The following PTPRD variants were observed in gnomAD, a reference collection of about 807,000 sequenced individuals.
The protein encoded by PTPRD is receptor-type tyrosine-protein phosphatase delta.
Under a neutral mutation model 214.5 loss-of-function variants are expected in PTPRD, and 34 were observed. The ratio of observed to expected loss-of-function variants is 0.16; its 90% confidence interval spans 0.12 to 0.21. The LOEUF is 0.21. PTPRD is among the 10% of genes least tolerant of loss of function. The pLI, the probability that PTPRD is intolerant of heterozygous loss-of-function variation, is 1.00. For missense variants in PTPRD, 2,545 were observed against 2,398.7 expected (o/e 1.06, Z -1.27); for synonymous variants, 1,128 against 845.7 (o/e 1.33, Z -5.79).
intron 10 of PTPRD, among the ~76,000 whole-genome samples, chr9:9,181,928 T>A (rs985787062): frequency 2.6e-5 from 4 of 152,038 alleles, no homozygotes; most frequent in Admixed American, 2.6e-4. Context: ...GAAGATAATG[T>A]GCTTGGAAAA....
intron 3 of PTPRD, among the ~76,000 whole-genome samples, chr9:10,260,785 T>C (rs2093639916): frequency 6.6e-6 from 1 of 152,060 alleles, no homozygotes; most frequent in Non-Finnish European, 1.5e-5. Context: ...GTAAATTTCC[T>C]TTTAGGGCAA....
chr9:10,523,595 TTATCTGTATATATATATATATATATA>T (rs2053121358), intron 2 of PTPRD, among the ~76,000 whole-genome samples: 1 of 8,358 alleles, frequency 1.2e-4, no homozygotes, highest in Non-Finnish European at 3.5e-4. Flanking sequence ...TCAAGTATAT[TTATCTGTATATATATATATATATATA>T]TAGACAGAAA....
intron 6 of PTPRD, among the ~76,000 whole-genome samples, chr9:9,744,352 A>C (rs2098437532): frequency 6.6e-6 from 1 of 152,130 alleles, no homozygotes; most frequent in African/African-American, 2.4e-5. Context: ...GGGTTTTATA[A>C]ACCTTGCATG....
In PTPRD at chr9:9,321,569, A is replaced by C. The variant is rs1236231092; in HGVS notation, c.-203+75880T>G. Among the ~76,000 whole-genome samples the C allele has an allele frequency of 5.9e-5, 9 of 151,728 alleles. 1 individual carries two copies. The highest frequency in any genetic ancestry group is 1.2e-4 in the African/African-American group (5 of 41,310). ...AAACTCCACTGAGAAAAAAAAAAGG[A>C]CTCTGTTTTTGTTAAAATGCCATGT... On this transcript the variant is annotated intron_variant, in intron 9 of 45. Coordinates refer to ENST00000381196, the MANE Select transcript of PTPRD (RefSeq NM_002839.4).
chr9:10,111,573 T>A (rs2098692679), intron 3 of PTPRD, among the ~76,000 whole-genome samples: 1 of 152,148 alleles, frequency 6.6e-6, no homozygotes, highest in South Asian at 2.1e-4. Context: ...AAGGTTCAGT[T>A]GTATTATTAT....
At chr9:10,311,746 G>A (rs1381285148) in intron 3 of PTPRD, among the ~76,000 whole-genome samples, 2 of 151,886 alleles carry the variant, frequency 1.3e-5, no homozygotes, top group Non-Finnish European at 2.9e-5. Flanking sequence ...TCAACTCTAG[G>A]AATTATAAGA....
At chr9:9,807,992 T>A (rs2045959170) in intron 5 of PTPRD, among the ~76,000 whole-genome samples, 1 of 152,146 alleles carries the variant, frequency 6.6e-6, no homozygotes, top group Non-Finnish European at 1.5e-5. Flanking sequence ...ATTAAATGAG[T>A]GCTGATGGTG....
At chr9:10,026,781 T>C (rs1220742006) in intron 4 of PTPRD, among the ~76,000 whole-genome samples, 1 of 152,072 alleles carries the variant, frequency 6.6e-6, no homozygotes, top group African/African-American at 2.4e-5. Flanking sequence ...TCCATGTATG[T>C]TATACATTTA....
At chr9:8,337,992 T>C (rs1473805053) in intron 43 of PTPRD, among the ~76,000 whole-genome samples, 2 of 152,190 alleles carry the variant, frequency 1.3e-5, no homozygotes, top group Non-Finnish European at 2.9e-5. Flanking sequence ...AACAGGTCTG[T>C]CACCTAGGCC....
intron 5 of PTPRD, among the ~76,000 whole-genome samples, chr9:9,810,685 T>G (rs997603438): frequency 2.0e-5 from 3 of 152,024 alleles, no homozygotes; most frequent in African/African-American, 7.2e-5. Flanking sequence ...AGCTCTCTGA[T>G]GAAGGTATAA....
At chr9:8,774,827 C>T (rs769587396) in intron 11 of PTPRD, among the ~76,000 whole-genome samples, 5 of 152,164 alleles carry the variant, frequency 3.3e-5, no homozygotes, top group Admixed American at 2.6e-4. Flanking sequence ...AGCCACTGCG[C>T]CCAGCCATGA....
chr9:9,554,323 G>A (rs893267882), intron 8 of PTPRD, among the ~76,000 whole-genome samples: 2 of 151,954 alleles, frequency 1.3e-5, no homozygotes, highest in African/African-American at 2.4e-5. Flanking sequence ...AATGGATAGA[G>A]ACTAATATAT....
intron 39 of PTPRD, among the ~76,000 whole-genome samples, chr9:8,369,782 C>T (rs2080978004): frequency 6.6e-6 from 1 of 151,864 alleles, no homozygotes; most frequent in Non-Finnish European, 1.5e-5. Context: ...GGTTTTATAA[C>T]TGATTCACTG....
At chr9:10,095,667 T>G (rs1259537332) in intron 3 of PTPRD, among the ~76,000 whole-genome samples, 2 of 151,624 alleles carry the variant, frequency 1.3e-5, no homozygotes, top group Non-Finnish European at 3.0e-5. Flanking sequence ...AATATTAATC[T>G]GAAACAGTTA....
rs536360483 is a variant in PTPRD, at chr9:10,377,250, A to G, written c.-599-36233T>C. Among the ~76,000 whole-genome samples, 11 of 152,028 alleles carry G rather than the reference A, an allele frequency of 7.2e-5. No homozygotes were observed. The East Asian group carries it at 2.0e-3, about 27-fold the overall frequency. On this transcript the variant is annotated intron_variant, in intron 2 of 45. Transcript: ENST00000381196. The stretch of plus-strand genomic sequence containing the variant: ...TGACAGGATCTCATTCTTTTTATGG[A>G]TGAATAGCACTCCATTATGTATAAG...
chr9:10,015,849 T>C (rs1379757304), intron 4 of PTPRD, among the ~76,000 whole-genome samples: 2 of 152,052 alleles, frequency 1.3e-5, no homozygotes, highest in African/African-American at 4.8e-5. Flanking sequence ...TACTACAAGG[T>C]CATTTTGAAA....
intron 11 of PTPRD, among the ~76,000 whole-genome samples, chr9:8,879,017 T>C (rs2098419352): frequency 6.6e-6 from 1 of 152,246 alleles, no homozygotes; most frequent in African/African-American, 2.4e-5. Context: ...TTTTACTCTG[T>C]TGATACTGTG....
intron 14 of PTPRD, among the ~76,000 whole-genome samples, chr9:8,623,890 A>C (rs1031315069): frequency 2.6e-5 from 4 of 151,982 alleles, no homozygotes; most frequent in African/African-American, 9.7e-5. Flanking sequence ...AAATAATCAA[A>C]AAAACAAAAC....
intron 3 of PTPRD, among the ~76,000 whole-genome samples, chr9:10,162,274 A>T (rs1006580411): frequency 1.3e-5 from 2 of 151,624 alleles, no homozygotes; most frequent in Admixed American, 6.6e-5. Context: ...TTTACAAAAA[A>T]AATAAAAATT....
Sources: allele counts gnomAD v4.1 joint callset (sites outside exome capture counted in the v4.1 genomes callset), GRCh38; gene constraint gnomAD v4.1.1; transcripts MANE v1.5; gene names NCBI Gene and HGNC (gene_info 2026-07-23, HGNC 2026-07-21).